Variants in GLG1 observed in about 807,000 individuals in gnomAD.
The protein encoded by GLG1 is Golgi apparatus protein 1.
In GLG1, 38 loss-of-function variants were observed where a neutral mutation model predicts 160.5. The observed-to-expected ratio is 0.24, with a 90% confidence interval of 0.18 to 0.31. The LOEUF (loss-of-function observed/expected upper bound fraction) is 0.31. Among genes scored for constraint, GLG1 ranks in the 10% least tolerant of loss-of-function variants. GLG1 has a pLI of 1.00. For synonymous variants in GLG1, 644 were observed against 543.4 expected (o/e 1.19, Z -2.57); for missense variants, 1,373 against 1,505.2 (o/e 0.91, Z 1.45).
At chr16:74,486,945 G>C (rs185140258) in intron 8 of GLG1, among the ~76,000 whole-genome samples, 2 of 146,082 alleles carry the variant, frequency 1.4e-5, no homozygotes, top group African/African-American at 5.0e-5. Flanking sequence ...ACAGAGTTTC[G>C]CTCTGTCACC....
At chr16:74,468,748 G>A (rs2143228908) in intron 17 of GLG1, 198 bp downstream of exon 17, 1 of 575,192 alleles carries the variant, frequency 1.7e-6, no homozygotes, top group South Asian at 2.2e-5. Context: ...GTTACATGTG[G>A]GAAGAAAGGT....
intron 2 of GLG1, among the ~76,000 whole-genome samples, chr16:74,518,645 G>C (rs141855115): frequency 6.6e-6 from 1 of 152,086 alleles, no homozygotes. Flanking sequence ...CATAGGCATG[G>C]GCAAAGCAAT....
At chr16:74,574,900 AAAAAAAAAAAAAAGAC>A (rs1371278494) in intron 1 of GLG1, among the ~76,000 whole-genome samples, 3 of 131,232 alleles carry the variant, frequency 2.3e-5, no homozygotes, top group Non-Finnish European at 3.2e-5. Flanking sequence ...AAAAAAAAAA[AAAAAAAAAAAAAAGAC>A]AGAGAGAGAG....
chr16:74,598,033 A>G (rs1303568751), intron 1 of GLG1, among the ~76,000 whole-genome samples: 2 of 152,122 alleles, frequency 1.3e-5, no homozygotes, highest in Non-Finnish European at 2.9e-5. Context: ...AAAATCAAAC[A>G]AACAAAATCA....
intron 1 of GLG1, among the ~76,000 whole-genome samples, chr16:74,540,438 G>A (rs1350098213): frequency 6.6e-6 from 1 of 151,512 alleles, no homozygotes; most frequent in Non-Finnish European, 1.5e-5. Context: ...TAAACTATAG[G>A]AGATAGGCCA....
At chr16:74,567,864 G>A (rs1176765690) in intron 1 of GLG1, among the ~76,000 whole-genome samples, 2 of 152,010 alleles carry the variant, frequency 1.3e-5, no homozygotes, top group East Asian at 1.9e-4. Context: ...CACCGCGCCC[G>A]GCCATATGGT....
Position 74,606,679 on chromosome 16 carries a change from T to A in GLG1, c.416A>T (p.Glu139Val), listed in dbSNP as rs200972392. Residue 139 changes from glutamate (E) to valine (V), a missense_variant, in exon 1 of 26, where the codon GAG (glutamate) becomes GTG (valine). Glu to Val is a moderately radical substitution (Grantham distance 121). Coordinates refer to ENST00000422840, the MANE Select transcript of GLG1 (RefSeq NM_001145667.2). Reference protein sequence around the residue: ...HTWSNNLAVLECLQDVREPEN... With the variant: ...HTWSNNLAVLVCLQDVREPEN... ...CACCTCCCTCACATCCTGCAGGCAC[T>A]CGAGCACCGCCAGGTTGTTGCTCCA... 1.7e-5 allele frequency: 27 copies of A among 1,590,816 alleles called. No individual in the cohort carries two copies. The Admixed American group carries it at 3.1e-4, about 18-fold the overall frequency.
chr16:74,587,779 C>T (rs1390500946), intron 1 of GLG1, among the ~76,000 whole-genome samples: 1 of 152,084 alleles, frequency 6.6e-6, no homozygotes, highest in Non-Finnish European at 1.5e-5. Context: ...TCACTTGAAC[C>T]TGGGAGGCGG....
intron 1 of GLG1, among the ~76,000 whole-genome samples, chr16:74,571,230 C>T (rs1484022668): frequency 6.6e-6 from 1 of 152,116 alleles, no homozygotes; most frequent in Non-Finnish European, 1.5e-5. Flanking sequence ...TGGGTCTGTC[C>T]AACCCACAGC....
In GLG1 at chr16:74,451,309, G is replaced by C. The variant is rs1336474273; in HGVS notation, c.*1858C>G. On this transcript the variant is annotated 3_prime_UTR_variant, in exon 26 of 26. Transcript: ENST00000422840. ...CAAGCAGGACCGAGGGGACTAAGCA[G>C]CTTAGCAGCTTCCCTTGGTGACTTG... The C allele has an allele frequency of 6.6e-6, 1 of 152,236 alleles. No individual in the cohort carries two copies. The highest frequency in any genetic ancestry group is 1.5e-5 in the Non-Finnish European group (1 of 68,050). 9.4% of individuals were successfully genotyped at this position (152,236 alleles called of 1,614,324 possible). A position where few individuals can be genotyped will look rare whatever the true frequency, so the allele number is the denominator to read the frequency against.
At chr16:74,506,490 G>A (rs1217902878) in intron 3 of GLG1, among the ~76,000 whole-genome samples, 1 of 148,394 alleles carries the variant, frequency 6.7e-6, no homozygotes, top group African/African-American at 2.5e-5. Context: ...GCTGAGGCAG[G>A]AGAATGGCAT....
At chr16:74,495,930 A>C (rs1338102453) in intron 5 of GLG1, among the ~76,000 whole-genome samples, 1 of 152,136 alleles carries the variant, frequency 6.6e-6, no homozygotes, top group Non-Finnish European at 1.5e-5. Flanking sequence ...GCTTTTCTAC[A>C]TGTGAGGTTT....
At chr16:74,508,723 G>A in intron 3 of GLG1, 116 bp downstream of exon 3, 1 of 600,056 alleles carries the variant, frequency 1.7e-6, no homozygotes, top group Non-Finnish European at 3.0e-6. Flanking sequence ...TTTCAACCAA[G>A]ACAGATGTGA....
chr16:74,529,659 A>T (rs1024230740), intron 2 of GLG1, among the ~76,000 whole-genome samples: 6 of 152,000 alleles, frequency 3.9e-5, no homozygotes, highest in African/African-American at 1.4e-4. Context: ...GAATGGCTAT[A>T]TTATAGAATT....
chr16:74,485,864 T>C lies in GLG1; in HGVS notation c.1503A>G (p.Arg501=). 6.2e-7 allele frequency: 1 copy of C among 1,611,888 alleles called. No homozygotes were observed. Among genetic ancestry groups the C allele is most frequent in the Non-Finnish European group, 8.5e-7 (1 of 1,177,896 alleles). The change falls in exon 9 of 26, where the codon CGA becomes CGG. Residue 501 remains arginine (R), a synonymous_variant. Transcript: ENST00000422840. ...CAGATTCACAAGCTTCATTCAAAGC[T>C]CGATCAATGCGGTAATCTGCACCAG... ...TDPGADYRID[R]ALNEACESVI...
intron 1 of GLG1, among the ~76,000 whole-genome samples, chr16:74,571,476 C>T (rs934651889): frequency 3.9e-5 from 6 of 152,180 alleles, no homozygotes; most frequent in Admixed American, 3.3e-4. Flanking sequence ...AGCTAGAGAC[C>T]AGACTGGGCA....
intron 1 of GLG1, among the ~76,000 whole-genome samples, chr16:74,547,976 GCTGGAGCAGAGTGGCTC>G (rs1279146368): frequency 1.3e-5 from 2 of 152,246 alleles, no homozygotes; most frequent in African/African-American, 4.8e-5. Context: ...TGTCGCCCAG[GCTGGAGCAGAGTGGCTC>G]AGTCGCGGCT....
chr16:74,531,768 A>C (rs1238754451), intron 2 of GLG1, among the ~76,000 whole-genome samples: 1 of 152,202 alleles, frequency 6.6e-6, no homozygotes, highest in Non-Finnish European at 1.5e-5. Flanking sequence ...GTCTCCTTTT[A>C]ATGTGCTACT....
intron 2 of GLG1, among the ~76,000 whole-genome samples, chr16:74,515,667 C>T (rs547985906): frequency 6.6e-6 from 1 of 151,728 alleles, no homozygotes; most frequent in Admixed American, 6.6e-5. Flanking sequence ...CTAACCTACA[C>T]GTTGTGTACA....
Sources: gnomAD v4.1 joint callset for allele counts (sites outside exome capture counted in the v4.1 genomes callset) on GRCh38, gnomAD v4.1.1 for gene constraint, MANE v1.5 for transcripts, NCBI Gene and HGNC (gene_info 2026-07-23, HGNC 2026-07-21) for gene names.